The following EHD3 variants were observed in gnomAD, a reference collection of about 807,000 sequenced individuals.
EHD3 encodes the protein EH domain containing 3.
A neutral mutation model predicts 43.0 loss-of-function variants in EHD3; 17 were observed. That is an observed-to-expected ratio of 0.40 (90% CI 0.27 to 0.59). EHD3 has a LOEUF of 0.59. EHD3 is among the 20% of genes least tolerant of loss of function. The pLI, the probability that EHD3 is intolerant of heterozygous loss-of-function variation, is 0.49. For synonymous variants in EHD3, 313 were observed against 289.5 expected, an observed-to-expected ratio of 1.08 and a Z score of -0.82; for missense variants, 594 against 705.6, an observed-to-expected ratio of 0.84 and a Z score of 1.79.
intron 3 of EHD3, among the ~76,000 whole-genome samples, chr2:31,251,005 G>T (rs558034211): frequency 1.3e-5 from 2 of 152,344 alleles, no homozygotes; most frequent in African/African-American, 4.8e-5. Flanking sequence ...TTCTGCAAGA[G>T]CATGGCCTGC....
At chr2:31,257,547 C>T (rs1405001678) in intron 3 of EHD3, among the ~76,000 whole-genome samples, 7 of 152,190 alleles carry the variant, frequency 4.6e-5, no homozygotes, top group Admixed American at 3.9e-4. Context: ...TGACTCTCTC[C>T]TCTCTGAACC....
At chr2:31,241,460 A>G (rs1683422646) in intron 1 of EHD3, among the ~76,000 whole-genome samples, 1 of 152,198 alleles carries the variant, frequency 6.6e-6, no homozygotes, top group Non-Finnish European at 1.5e-5. Flanking sequence ...ATGATAATCT[A>G]GGTAATTTAA....
chr2:31,250,226 C>A (rs954260155), intron 3 of EHD3, among the ~76,000 whole-genome samples: 1 of 151,616 alleles, frequency 6.6e-6, no homozygotes, highest in Non-Finnish European at 1.5e-5. Flanking sequence ...TACCTAGTAA[C>A]CATGAGGGAT....
At chr2:31,255,475 A>AT (rs3835889) in intron 3 of EHD3, among the ~76,000 whole-genome samples, 3,584 of 152,214 alleles carry the variant, frequency 0.024, 117 homozygotes, top group African/African-American at 0.071. Context: ...TGTTATCCCT[A>AT]TTTTGCAGCT....
chr2:31,257,363 G>T (rs1683770188), intron 3 of EHD3, among the ~76,000 whole-genome samples: 1 of 152,220 alleles, frequency 6.6e-6, no homozygotes, highest in South Asian at 2.1e-4. Flanking sequence ...GAGGGGAGTA[G>T]TGCGGGCTGC....
chr2:31,252,674 T>C (rs539882272), intron 3 of EHD3, among the ~76,000 whole-genome samples: 1 of 152,278 alleles, frequency 6.6e-6, no homozygotes, highest in South Asian at 2.1e-4. Flanking sequence ...GGGGTTTCAC[T>C]ACCTCTCTCC....
At position 31,269,212 on chromosome 2, in the gene EHD3, C is replaced by T. The variant is rs1684008390; in HGVS notation, c.*2508C>T. 6.6e-6 allele frequency: 1 copy of T among 152,214 alleles called. No individual in the cohort carries two copies. 9.4% of individuals were successfully genotyped at this position (152,214 alleles called of 1,614,324 possible). ...CCCACAGACAAGAATTTCTAGAGCA[C>T]TTGTCCTGTTGTTCCTTGCCCCGAC... On this transcript the variant is annotated 3_prime_UTR_variant, in exon 6 of 6. Coordinates refer to ENST00000322054, the MANE Select transcript of EHD3 (RefSeq NM_014600.3).
At position 31,234,533 on chromosome 2, in the gene EHD3, G is replaced by A; in HGVS notation, c.-89G>A. The A allele has an allele frequency of 1.4e-6, 2 of 1,469,750 alleles. No individual in the cohort carries two copies. Among genetic ancestry groups the A allele is most frequent in the Non-Finnish European group, 1.8e-6 (2 of 1,082,396 alleles). The allele number at this position is 1,469,750 out of a possible 1,614,324, so 91.0% of individuals were successfully genotyped here. ...CTTGGGTGAGGCGGCGGCGCGGCTC[G>A]GAGCCCGGCGGACCGGTCCTACGGG... On this transcript the variant is annotated 5_prime_UTR_variant, in exon 1 of 6. Coordinates refer to ENST00000322054, the MANE Select transcript of EHD3 (RefSeq NM_014600.3).
At chr2:31,237,491 G>C (rs1035458835) in intron 1 of EHD3, among the ~76,000 whole-genome samples, 1 of 151,914 alleles carries the variant, frequency 6.6e-6, no homozygotes, top group Non-Finnish European at 1.5e-5. Context: ...TGCAACCTCC[G>C]CCTCCTGTGT....
At chr2:31,262,379 A>G (rs1683872874) in intron 5 of EHD3, among the ~76,000 whole-genome samples, 1 of 152,228 alleles carries the variant, frequency 6.6e-6, no homozygotes, top group African/African-American at 2.4e-5. Flanking sequence ...GCAGGAAACC[A>G]CAACATTGAC....
intron 3 of EHD3, among the ~76,000 whole-genome samples, chr2:31,255,519 G>A (rs959941254): frequency 5.3e-5 from 8 of 152,206 alleles, no homozygotes; most frequent in Non-Finnish European, 1.2e-4. Context: ...CCAAATAAAT[G>A]AGAAAGCTAA....
At chr2:31,264,546 T>TC (rs1235252368) in intron 5 of EHD3, among the ~76,000 whole-genome samples, 2 of 148,276 alleles carry the variant, frequency 1.3e-5, no homozygotes, top group African/African-American at 5.0e-5. Context: ...TTTTTTTTTT[T>TC]TTTTTTTGAT....
In EHD3 at chr2:31,257,473, C is replaced by T. The variant is rs60107660; in HGVS notation, c.503-3037C>T. ...AGGGAGGGAGGGAGGCAGGGAGCGG[C>T]CAGGTGCAGAACGGCTGGATGGCTG... On this transcript the variant is annotated intron_variant, in intron 3 of 5. Coordinates refer to ENST00000322054, the MANE Select transcript of EHD3 (RefSeq NM_014600.3). Among the ~76,000 whole-genome samples, 511 of 152,106 alleles carry T rather than the reference C, an allele frequency of 3.4e-3. 7 individuals are homozygous for T. The highest frequency in any genetic ancestry group is 0.011 in the African/African-American group (470 of 41,494).
At chr2:31,245,731 T>C (rs1343935115) in intron 2 of EHD3, among the ~76,000 whole-genome samples, 1 of 144,572 alleles carries the variant, frequency 6.9e-6, no homozygotes, top group Non-Finnish European at 1.5e-5. Context: ...CCGACTAATT[T>C]TGTGTTTTTT....
At chr2:31,243,394 G>A (rs989942207) in intron 1 of EHD3, among the ~76,000 whole-genome samples, 2 of 151,686 alleles carry the variant, frequency 1.3e-5, no homozygotes, top group African/African-American at 4.8e-5. Flanking sequence ...ACAGATACTA[G>A]AGGGTAGGAT....
intron 1 of EHD3, among the ~76,000 whole-genome samples, chr2:31,237,670 G>T (rs1683347319): frequency 6.6e-6 from 1 of 152,200 alleles, no homozygotes; most frequent in South Asian, 2.1e-4. Flanking sequence ...CTCCCAAAGT[G>T]CTGGGGATTA....
At chr2:31,244,094 C>A (rs868568380) in intron 1 of EHD3, among the ~76,000 whole-genome samples, 180 bp from the exon 2 acceptor site, 3 of 152,090 alleles carry the variant, frequency 2.0e-5, no homozygotes, top group Admixed American at 2.0e-4. Context: ...AGCTGAAATT[C>A]CACCTCCTCT....
At chr2:31,264,296 T>C (rs60682523) in intron 5 of EHD3, among the ~76,000 whole-genome samples, 4,809 of 152,176 alleles carry the variant, frequency 0.032, 249 homozygotes, top group African/African-American at 0.11. Context: ...AAAAATACAG[T>C]ATGAAAGATA....
chr2:31,253,204 C>T (rs528483555), intron 3 of EHD3, among the ~76,000 whole-genome samples: 3 of 129,264 alleles, frequency 2.3e-5, no homozygotes, highest in Non-Finnish European at 4.9e-5. Flanking sequence ...CACACATATC[C>T]TGCATATACA....
Sources: gnomAD v4.1 joint callset for allele counts (sites outside exome capture counted in the v4.1 genomes callset) on GRCh38, gnomAD v4.1.1 for gene constraint, MANE v1.5 for transcripts, NCBI Gene and HGNC (gene_info 2026-07-23, HGNC 2026-07-21) for gene names.